Variants in GOSR1 observed in about 807,000 individuals in gnomAD.
The protein encoded by GOSR1 is 28 kDa Golgi SNARE protein.
In GOSR1, 21 loss-of-function variants were observed where a neutral mutation model predicts 35.5. That is an observed-to-expected ratio of 0.59 (90% confidence interval 0.42 to 0.85). The LOEUF (loss-of-function observed/expected upper bound fraction) is 0.85. Ranked by LOEUF, GOSR1 falls within the 40% of genes least tolerant of loss-of-function variation. GOSR1 has a pLI of 0.00. For synonymous variants in GOSR1, 94 were observed against 106.6 expected (o/e 0.88, Z 0.73); for missense variants, 285 against 309.6 (o/e 0.92, Z 0.60).
intron 6 of GOSR1, among the ~76,000 whole-genome samples, chr17:30,498,058 C>CAAAAA (rs11427994): frequency 7.4e-6 from 1 of 135,414 alleles, no homozygotes. Flanking sequence ...ACTCCATCTC[C>CAAAAA]AAAAAAAAAA....
intron 6 of GOSR1, among the ~76,000 whole-genome samples, chr17:30,505,248 A>G (rs1383885153): frequency 6.6e-6 from 1 of 152,136 alleles, no homozygotes; most frequent in Non-Finnish European, 1.5e-5. Flanking sequence ...GAAATAATAG[A>G]GAGAGGCCGG....
At chr17:30,509,360 T>A (rs1967532115) in intron 6 of GOSR1, among the ~76,000 whole-genome samples, 1 of 152,216 alleles carries the variant, frequency 6.6e-6, no homozygotes, top group Non-Finnish European at 1.5e-5. Flanking sequence ...CCACCTGCCT[T>A]GGCCTCCCAA....
chr17:30,507,132 AT>A (rs148262763), intron 6 of GOSR1, among the ~76,000 whole-genome samples: 7,940 of 152,290 alleles, frequency 0.052, 660 homozygotes, highest in African/African-American at 0.17. Flanking sequence ...TCAAGGAGTG[AT>A]TTTGACTTTT....
intron 4 of GOSR1, among the ~76,000 whole-genome samples, chr17:30,489,725 T>C (rs1914900947): frequency 6.6e-6 from 1 of 152,216 alleles, no homozygotes; most frequent in South Asian, 2.1e-4. Flanking sequence ...AGGAATTAAA[T>C]TTTTTGTGAG....
intron 6 of GOSR1, chr17:30,495,414 G>T (rs1365959371): frequency 6.6e-6 from 3 of 455,556 alleles, no homozygotes; most frequent in African/African-American, 6.0e-5. Context: ...TAATGAAGTT[G>T]ACAACTTTCA....
At chr17:30,494,192 A>ACACACACAC in intron 6 of GOSR1, among the ~76,000 whole-genome samples, 1 of 150,522 alleles carries the variant, frequency 6.6e-6, no homozygotes, top group South Asian at 2.1e-4. Context: ...GCCATACTTA[A>ACACACACAC]ACACACACAC....
chr17:30,521,340 G>C (rs1968026821), intron 8 of GOSR1, among the ~76,000 whole-genome samples: 1 of 151,524 alleles, frequency 6.6e-6, no homozygotes, highest in Non-Finnish European at 1.5e-5. Context: ...GTGCCACCAT[G>C]CCCGGCTAAT....
In GOSR1 at chr17:30,494,907, CT is replaced by C. The variant is rs747137586; in HGVS notation, c.509+2168del. 4.4e-3 allele frequency among the ~76,000 whole-genome samples: 614 copies of C among 139,054 alleles called. 1 individual carries two copies. Among genetic ancestry groups the C allele is most frequent in the African/African-American group, 4.8e-3 (184 of 37,962 alleles). 91.2% of individuals were successfully genotyped at this position (139,054 alleles called of 152,430 possible). Reference sequence around the variant, plus strand: ...ACAGGCGTGAGGCAATGTGCCCAGACTTTTTTTTTTTTTTGACTTGAGGGTC... The same window carrying C: ...ACAGGCGTGAGGCAATGTGCCCAGACTTTTTTTTTTTTTGACTTGAGGGTC... On this transcript the variant is annotated intron_variant, in intron 6 of 8. Coordinates refer to ENST00000451249, the MANE Select transcript of GOSR1 (RefSeq NM_001007025.2).
At chr17:30,482,196 G>GTA (rs1323319964) in intron 2 of GOSR1, among the ~76,000 whole-genome samples, 3 of 151,408 alleles carry the variant, frequency 2.0e-5, no homozygotes, top group Non-Finnish European at 2.9e-5. Flanking sequence ...ATGTTATATA[G>GTA]TATATATATA....
intron 5 of GOSR1, among the ~76,000 whole-genome samples, chr17:30,491,185 C>T (rs1915018335): frequency 1.3e-5 from 2 of 152,080 alleles, no homozygotes; most frequent in Non-Finnish European, 2.9e-5. Context: ...ATTGGGAACC[C>T]ATATAGGGGA....
At chr17:30,510,778 A>G (rs1967585094) in intron 6 of GOSR1, 102 bp from the exon 7 acceptor site, 1 of 680,466 alleles carries the variant, frequency 1.5e-6, no homozygotes, top group Non-Finnish European at 2.6e-6. Flanking sequence ...GACATTCTGT[A>G]TACATAAATG....
chr17:30,477,943 A>G, intron 1 of GOSR1: 6 of 985,068 alleles, frequency 6.1e-6, no homozygotes, highest in Non-Finnish European at 7.2e-6. Context: ...AGGAAGTATG[A>G]AGAGAATAGG....
rs765986598 is a variant in GOSR1, at chr17:30,525,832, T to C, written c.*3454T>C. 5 of 152,218 alleles carry C rather than the reference T, an allele frequency of 3.3e-5. No individual in the cohort carries two copies. Among genetic ancestry groups the C allele is most frequent in the Non-Finnish European group, 5.9e-5 (4 of 68,044 alleles). The allele number at this position is 152,218 out of a possible 1,614,324, so 9.4% of individuals were successfully genotyped here. A position where few individuals can be genotyped will look rare whatever the true frequency, so the allele number is the denominator to read the frequency against. On this transcript the variant is annotated 3_prime_UTR_variant, in exon 9 of 9. Transcript: ENST00000451249. ...TATTTTCTTTATGAAAATAAACCAG[T>C]TCTTCCAAGGAAGTTAAAAGGCTTG...
intron 5 of GOSR1, among the ~76,000 whole-genome samples, chr17:30,491,397 G>A (rs1365921501): frequency 2.0e-5 from 3 of 152,158 alleles, no homozygotes; most frequent in African/African-American, 7.2e-5. Flanking sequence ...GGTGGCTCCC[G>A]CCTGTAATCC....
Position 30,502,159 on chromosome 17 carries a change from A to T in GOSR1, c.510-8721A>T, listed in dbSNP as rs565613027. ...ACATTTTGGACAAAGAAAACTATAG[A>T]GACAGTAAAAAGATCAGCAATTCTC... is the stretch of plus-strand genomic sequence containing the variant. On this transcript the variant is annotated intron_variant, in intron 6 of 8. Transcript: ENST00000451249. 1.6e-4 allele frequency among the ~76,000 whole-genome samples: 24 copies of T among 152,372 alleles called. No individual in the cohort carries two copies. In the South Asian group the frequency reaches 3.7e-3, roughly 24 times the overall value.
At chr17:30,498,452 A>C (rs1307750857) in intron 6 of GOSR1, among the ~76,000 whole-genome samples, 1 of 152,202 alleles carries the variant, frequency 6.6e-6, no homozygotes, top group East Asian at 1.9e-4. Context: ...TATGATATGC[A>C]AAGGTTTGTG....
At chr17:30,482,122 C>T (rs1393609987) in intron 2 of GOSR1, among the ~76,000 whole-genome samples, 1 of 152,080 alleles carries the variant, frequency 6.6e-6, no homozygotes, top group Non-Finnish European at 1.5e-5. Context: ...CTTTCTCCCA[C>T]CCCATAATCC....
chr17:30,516,174 G>T (rs1462407674), intron 7 of GOSR1, among the ~76,000 whole-genome samples: 1 of 151,320 alleles, frequency 6.6e-6, no homozygotes. Flanking sequence ...TACTAAAACG[G>T]ATAAAGAAAA....
In GOSR1 at chr17:30,510,885, A is replaced by G; in HGVS notation, c.515A>G (p.Asp172Gly). 6.5e-7 allele frequency: 1 copy of G among 1,536,592 alleles called. No individual in the cohort carries two copies. Among genetic ancestry groups the G allele is most frequent in the Non-Finnish European group, 9.0e-7 (1 of 1,113,212 alleles). ...LKEHDHLRNS[D>G]RLIEETISIA... ...ATTTTTCTTTTTATTTGCAGCTCAG[A>G]TCGTCTGATAGAAGAGACAATAAGG... Residue 172 changes from aspartate (D) to glycine (G), a missense_variant, in exon 7 of 9, where the codon GAT (aspartate) becomes GGT (glycine). This residue lies in a region of GOSR1 where 168 missense variants were observed against 183.2 expected (regional missense o/e 0.92). Coordinates refer to ENST00000451249, the MANE Select transcript of GOSR1 (RefSeq NM_001007025.2).
Sources: allele counts gnomAD v4.1 joint callset (sites outside exome capture counted in the v4.1 genomes callset), GRCh38; gene constraint gnomAD v4.1.1; regional missense constraint gnomAD v4.1.1; transcripts MANE v1.5; gene names NCBI Gene and HGNC (gene_info 2026-07-23, HGNC 2026-07-21).